The following DLC1 variants were observed in gnomAD, a reference collection of about 807,000 sequenced individuals.
The protein encoded by DLC1 is rho GTPase-activating protein 7.
In DLC1, 54 loss-of-function variants were observed where a neutral mutation model predicts 140.3. That is an observed-to-expected ratio of 0.38 (90% CI 0.31 to 0.48). DLC1 has a LOEUF of 0.48. Ranked by LOEUF, DLC1 falls within the 20% of genes least tolerant of loss-of-function variation. The pLI is 0.96. For synonymous variants in DLC1, 986 were observed against 728.1 expected (o/e 1.35, Z -5.70); for missense variants, 2,536 against 1,907.0 (o/e 1.33, Z -6.14).
chr8:13,207,674 G>A, intron 5 of DLC1, among the ~76,000 whole-genome samples: 1 of 152,100 alleles, frequency 6.6e-6, no homozygotes. Context: ...GTGGTTCTCA[G>A]TTGGAGTGAT....
Position 13,431,159 on chromosome 8 carries a change from C to T in DLC1, c.1024-29540G>A, listed in dbSNP as rs936093013. ...GTATTGGTGACATAACTGAGAAGTC[C>T]AAGAGGATGACTGAGGCACAGATGT... On this transcript the variant is annotated intron_variant, in intron 2 of 17. Coordinates refer to ENST00000276297, the MANE Select transcript of DLC1 (RefSeq NM_182643.3). 2.6e-5 allele frequency among the ~76,000 whole-genome samples: 4 copies of T among 152,058 alleles called. No individual in the cohort carries two copies. In the East Asian group the frequency reaches 7.7e-4, roughly 29 times the overall value.
chr8:13,355,820 C>G (rs1405605324), intron 4 of DLC1, among the ~76,000 whole-genome samples: 4 of 151,918 alleles, frequency 2.6e-5, no homozygotes, highest in Non-Finnish European at 5.9e-5. Flanking sequence ...CATGGTGGCT[C>G]ACACCTGTAA....
chr8:13,116,253 C>T, intron 5 of DLC1: 2 of 984,752 alleles, frequency 2.0e-6, no homozygotes, highest in Non-Finnish European at 2.4e-6. Flanking sequence ...GTAAATCCCA[C>T]AATCTTGGCA....
intron 1 of DLC1, chr8:13,566,976 A>C (rs1030735153): frequency 1.3e-6 from 2 of 1,531,904 alleles, no homozygotes; most frequent in African/African-American, 1.4e-5. Context: ...TGAGGAGCCG[A>C]GCCTGATGCA....
At chr8:13,427,284 G>A (rs781595038) in intron 2 of DLC1, among the ~76,000 whole-genome samples, 2 of 151,950 alleles carry the variant, frequency 1.3e-5, no homozygotes, top group Non-Finnish European at 2.9e-5. Flanking sequence ...TGTCCAACTC[G>A]GCTCATGGGG....
At chr8:13,485,348 A>C (rs1235828790) in intron 2 of DLC1, among the ~76,000 whole-genome samples, 1 of 152,216 alleles carries the variant, frequency 6.6e-6, no homozygotes, top group East Asian at 1.9e-4. Context: ...ATATAGCTTG[A>C]AAAGAGACAG....
chr8:13,383,391 G>A lies in DLC1; in HGVS notation c.1314+10162C>T, dbSNP rs569287493. Among the ~76,000 whole-genome samples, 95 of 152,260 alleles carry A rather than the reference G, an allele frequency of 6.2e-4. No homozygotes were observed. The South Asian group carries it at 0.018, about 29-fold the overall frequency. On this transcript the variant is annotated intron_variant, in intron 4 of 17. Coordinates refer to ENST00000276297, the MANE Select transcript of DLC1 (RefSeq NM_182643.3). ...TGTTCAGAGAAAGAGGAACTATACCGGAGGGGCTGTGCTTGAGGAAGTGCA... is the reference window on the plus strand; with the variant it reads ...TGTTCAGAGAAAGAGGAACTATACCAGAGGGGCTGTGCTTGAGGAAGTGCA...
intron 1 of DLC1, among the ~76,000 whole-genome samples, chr8:13,549,379 C>A (rs976604781): frequency 6.6e-6 from 1 of 152,110 alleles, no homozygotes; most frequent in Non-Finnish European, 1.5e-5. Context: ...TATTAGAAAG[C>A]ACTTCCATTT....
chr8:13,436,553 T>A, intron 2 of DLC1, among the ~76,000 whole-genome samples: 1 of 152,230 alleles, frequency 6.6e-6, no homozygotes, highest in East Asian at 1.9e-4. Context: ...ACAATTGGGC[T>A]TTACCAATTT....
intron 12 of DLC1, among the ~76,000 whole-genome samples, chr8:13,093,735 T>G (rs549887804): frequency 5.3e-5 from 8 of 152,280 alleles, no homozygotes; most frequent in African/African-American, 1.9e-4. Flanking sequence ...AAACAACCAA[T>G]GAAATAATCC....
chr8:13,524,387 C>G (rs1176184609), intron 1 of DLC1, among the ~76,000 whole-genome samples: 1 of 152,030 alleles, frequency 6.6e-6, no homozygotes, highest in East Asian at 1.9e-4. Context: ...ATCTACCTGC[C>G]TCAGCCTCCC....
At chr8:13,576,083 C>G (rs1199202714) in intron 1 of DLC1, among the ~76,000 whole-genome samples, 2 of 152,166 alleles carry the variant, frequency 1.3e-5, no homozygotes, top group Admixed American at 6.5e-5. Flanking sequence ...TAAAGTTCAG[C>G]TAAATATACT....
chr8:13,568,100 T>C lies in DLC1; in HGVS notation c.-126+36437A>G, dbSNP rs1176609522. ...TTTTTTCCTATTATAGAAGGCACTG[T>C]TGTAGTTGGAATAGTTATAAAAACT... is the stretch of plus-strand genomic sequence containing the variant. On this transcript the variant is annotated intron_variant, in intron 1 of 1. Transcript: ENST00000631382. The C allele has an allele frequency of 9.5e-6, 8 of 843,932 alleles. No individual in the cohort carries two copies. The African/African-American group carries it at 1.2e-4, about 13-fold the overall frequency. 52.3% of individuals were successfully genotyped at this position (843,932 alleles called of 1,614,324 possible).
intron 2 of DLC1, among the ~76,000 whole-genome samples, chr8:13,477,552 T>C (rs1246407605): frequency 6.6e-6 from 1 of 152,184 alleles, no homozygotes; most frequent in African/African-American, 2.4e-5. Context: ...AACCAAGACA[T>C]AGGTTAGTGC....
At chr8:13,491,135 A>T (rs1000321327) in intron 2 of DLC1, among the ~76,000 whole-genome samples, 3 of 148,908 alleles carry the variant, frequency 2.0e-5, no homozygotes, top group South Asian at 2.1e-4. Context: ...ATATTTTTTT[A>T]TATATATATA....
intron 16 of DLC1, 37 bp downstream of exon 16, chr8:13,088,450 C>T: frequency 1.2e-6 from 2 of 1,606,052 alleles, no homozygotes; most frequent in Non-Finnish European, 8.5e-7. Flanking sequence ...TATATGGAGT[C>T]ATCCTTGTCA....
chr8:13,342,794 C>T (rs1483139672), intron 4 of DLC1: 2 of 151,322 alleles, frequency 1.3e-5, no homozygotes, highest in Admixed American at 6.6e-5. Flanking sequence ...GGTTCTGTTT[C>T]TCTCTCTCTC....
rs143429745 is a variant in DLC1 at position 13,111,029 on chromosome 8, T to G, written c.1421-206A>C. Among the ~76,000 whole-genome samples the G allele has an allele frequency of 1.4e-3, 220 of 152,330 alleles. 1 individual carries two copies. The highest frequency in any genetic ancestry group is 5.1e-3 in the African/African-American group (212 of 41,578). On this transcript the variant is annotated intron_variant, in intron 6 of 17. Transcript: ENST00000276297. ...TGTCCTAAAGGAGCTTCGGCTTTAA[T>G]GTGGGGGAAACTCAAAATATTGCTT...
intron 2 of DLC1, among the ~76,000 whole-genome samples, chr8:13,423,383 A>C (rs1416139557): frequency 6.6e-6 from 1 of 152,172 alleles, no homozygotes; most frequent in Non-Finnish European, 1.5e-5. Flanking sequence ...TTTCAAGGTG[A>C]ACCTAAATTT....
Sources: allele counts gnomAD v4.1 joint callset (sites outside exome capture counted in the v4.1 genomes callset), GRCh38; gene constraint gnomAD v4.1.1; transcripts MANE v1.5; gene names NCBI Gene and HGNC (gene_info 2026-07-23, HGNC 2026-07-21).